The following PDE4D variants were observed in gnomAD, a reference collection of about 807,000 sequenced individuals.
PDE4D encodes the protein 3',5'-cyclic-AMP phosphodiesterase 4D.
In PDE4D, 24 loss-of-function variants were observed where a neutral mutation model predicts 87.4. The observed-to-expected ratio is 0.27, with a 90% CI of 0.20 to 0.39. The LOEUF (loss-of-function observed/expected upper bound fraction) is 0.39. Ranked by LOEUF, PDE4D falls within the 10% of genes least tolerant of loss-of-function variation. The pLI is 1.00. For synonymous variants in PDE4D, 384 were observed against 383.2 expected (o/e 1.00, Z -0.02); for missense variants, 714 against 1,041.0 (o/e 0.69, Z 4.32).
At chr5:59,886,925 A>C (rs992242410) in intron 1 of PDE4D, among the ~76,000 whole-genome samples, 14 of 151,788 alleles carry the variant, frequency 9.2e-5, no homozygotes, top group Admixed American at 8.5e-4. Flanking sequence ...CTGGGGTGAA[A>C]AAAAAAAAGG....
At chr5:60,416,376 A>G (rs776821527) in intron 1 of PDE4D, among the ~76,000 whole-genome samples, 14 of 152,130 alleles carry the variant, frequency 9.2e-5, no homozygotes, top group Non-Finnish European at 1.5e-4. Flanking sequence ...TTTGCAATAA[A>G]TCTTGCTGCT....
At chr5:59,456,011 A>G (rs962010066) in intron 1 of PDE4D, among the ~76,000 whole-genome samples, 1 of 152,184 alleles carries the variant, frequency 6.6e-6, no homozygotes, top group Non-Finnish European at 1.5e-5. Flanking sequence ...TTACAGGCTC[A>G]TAGGTAGAAG....
intron 6 of PDE4D, among the ~76,000 whole-genome samples, chr5:59,030,334 G>T (rs1481076412): frequency 7.1e-6 from 1 of 139,872 alleles, no homozygotes; most frequent in Non-Finnish European, 1.5e-5. Context: ...CAACCAAATA[G>T]TAAGAAAACA....
At chr5:60,132,588 A>G (rs1397377495) in intron 2 of PDE4D, among the ~76,000 whole-genome samples, 1 of 152,226 alleles carries the variant, frequency 6.6e-6, no homozygotes, top group Non-Finnish European at 1.5e-5. Flanking sequence ...TCATTCATGC[A>G]TTAGATACTT....
rs59840765 is a variant in PDE4D at position 59,148,267 on chromosome 5, G to A, written c.808+32328C>T. On this transcript the variant is annotated intron_variant, in intron 5 of 14. Coordinates refer to ENST00000340635, the MANE Select transcript of PDE4D (RefSeq NM_001104631.2). ...CCTTATTTCAGTTGAGGGTAGAAGA[G>A]AAAAATTATATTGCAAAAGTGGGAA... Among the ~76,000 whole-genome samples the A allele has an allele frequency of 3.0e-3, 463 of 152,272 alleles. 10 individuals carry two copies. In the East Asian group the frequency reaches 0.056, roughly 18 times the overall value.
intron 1 of PDE4D, among the ~76,000 whole-genome samples, chr5:60,339,584 T>A (rs2149893479): frequency 6.6e-6 from 1 of 152,224 alleles, no homozygotes; most frequent in East Asian, 1.9e-4. Flanking sequence ...AAATAAAGGG[T>A]GCCTCCGGTA....
chr5:59,204,747 T>G (rs1166337522), intron 2 of PDE4D, among the ~76,000 whole-genome samples: 1 of 152,188 alleles, frequency 6.6e-6, no homozygotes, highest in Non-Finnish European at 1.5e-5. Flanking sequence ...CTTTCACAGT[T>G]TATCTTATTG....
chr5:60,494,980 G>T (rs1273795016), intron 1 of PDE4D, among the ~76,000 whole-genome samples: 1 of 152,152 alleles, frequency 6.6e-6, no homozygotes, highest in Non-Finnish European at 1.5e-5. Flanking sequence ...TCACCATCAT[G>T]ATTATACAAC....
intron 1 of PDE4D, among the ~76,000 whole-genome samples, chr5:59,379,799 C>G (rs1785418056): frequency 6.6e-6 from 1 of 151,748 alleles, no homozygotes; most frequent in Non-Finnish European, 1.5e-5. Flanking sequence ...TATCTACAAG[C>G]AGAATTACTA....
chr5:59,604,556 G>A (rs1827930949), intron 1 of PDE4D, among the ~76,000 whole-genome samples: 1 of 151,968 alleles, frequency 6.6e-6, no homozygotes, highest in Non-Finnish European at 1.5e-5. Context: ...TTTGCCTTAA[G>A]GAGAGTCTAT....
At position 60,399,483 on chromosome 5, in the gene PDE4D, C is replaced by A. The variant is rs1038871459; in HGVS notation, c.-90+88459G>T. 3.8e-4 allele frequency among the ~76,000 whole-genome samples: 58 copies of A among 152,222 alleles called. 1 individual carries two copies. The highest frequency in any genetic ancestry group is 1.5e-4 in the Non-Finnish European group (10 of 68,048). On this transcript the variant is annotated intron_variant, in intron 1 of 16. Coordinates refer to the PDE4D transcript ENST00000502484. ...ATGTGAATCTTAGTGGGAAACAAAG[C>A]CCCTTCCATTACAGCAGTCAAGATA...
intron 1 of PDE4D, among the ~76,000 whole-genome samples, chr5:59,430,055 G>A (rs906276205): frequency 6.6e-6 from 1 of 152,040 alleles, no homozygotes; most frequent in African/African-American, 2.4e-5. Flanking sequence ...TACAAGCACT[G>A]ACAATCTCTC....
chr5:59,037,116 T>C (rs1302278529), intron 6 of PDE4D, among the ~76,000 whole-genome samples: 2 of 152,208 alleles, frequency 1.3e-5, no homozygotes, highest in African/African-American at 2.4e-5. Context: ...ATTAATTCCT[T>C]GACAGCTGAA....
At chr5:60,336,660 T>G (rs1423498295) in intron 1 of PDE4D, among the ~76,000 whole-genome samples, 1 of 152,172 alleles carries the variant, frequency 6.6e-6, no homozygotes, top group African/African-American at 2.4e-5. Context: ...CACTCCCTCC[T>G]CTCTTTTTAG....
intron 6 of PDE4D, among the ~76,000 whole-genome samples, chr5:58,999,004 T>C (rs924194662): frequency 2.6e-5 from 4 of 152,192 alleles, no homozygotes; most frequent in African/African-American, 9.6e-5. Flanking sequence ...TAGTATCACT[T>C]ACATAGTTAA....
intron 1 of PDE4D, among the ~76,000 whole-genome samples, chr5:59,664,040 G>C (rs1192489653): frequency 6.6e-6 from 1 of 152,118 alleles, no homozygotes; most frequent in African/African-American, 2.4e-5. Flanking sequence ...CCTTCATTCT[G>C]ATTGGCTTTA....
intron 1 of PDE4D, among the ~76,000 whole-genome samples, chr5:59,682,375 G>A (rs2150367638): frequency 6.6e-6 from 1 of 152,238 alleles, no homozygotes; most frequent in South Asian, 2.1e-4. Flanking sequence ...ATCTACCTCT[G>A]GATATAAGGA....
At chr5:59,467,237 A>G (rs1582743613) in intron 1 of PDE4D, among the ~76,000 whole-genome samples, 1 of 152,238 alleles carries the variant, frequency 6.6e-6, no homozygotes, top group Non-Finnish European at 1.5e-5. Flanking sequence ...TGGCAGCCTC[A>G]GAAAATTAAC....
At chr5:60,346,084 T>C (rs1326285979) in intron 1 of PDE4D, among the ~76,000 whole-genome samples, 4 of 152,150 alleles carry the variant, frequency 2.6e-5, no homozygotes, top group South Asian at 2.1e-4. Flanking sequence ...CTTATTTTAT[T>C]TGGGTTTGTA....
Sources: allele counts gnomAD v4.1 joint callset (sites outside exome capture counted in the v4.1 genomes callset), GRCh38; gene constraint gnomAD v4.1.1; transcripts MANE v1.5; gene names NCBI Gene and HGNC (gene_info 2026-07-23, HGNC 2026-07-21).